Variants in TDRD12 observed in about 807,000 individuals in gnomAD.
The protein encoded by TDRD12 is tudor domain containing 12.
Under a neutral mutation model 133.5 loss-of-function variants are expected in TDRD12, and 158 were observed. The observed-to-expected ratio is 1.18, with a 90% CI of 1.04 to 1.35. The LOEUF is 1.35. Ranked by LOEUF, TDRD12 falls within the 40% of genes most tolerant of loss-of-function variation. TDRD12 has a pLI of 0.00. For synonymous variants in TDRD12, 460 were observed against 477.9 expected (o/e 0.96, Z 0.49); for missense variants, 1,443 against 1,321.3 (o/e 1.09, Z -1.43).
At chr19:32,778,587 C>T (rs1012427054) in intron 11 of TDRD12, among the ~76,000 whole-genome samples, 2 of 152,140 alleles carry the variant, frequency 1.3e-5, no homozygotes, top group African/African-American at 4.8e-5. Context: ...GCAACCTCCA[C>T]CTCCTGGGTT....
At chr19:32,797,808 T>C in exon 15 of TDRD12, 1 of 702,586 alleles carries the variant, frequency 1.4e-6, no homozygotes, top group Middle Eastern at 2.3e-4. Context: ...GAATATAGCA[T>C]GTCCTCCAGG....
exon 1 of TDRD12, chr19:32,719,927 T>C: frequency 9.7e-7 from 1 of 1,026,158 alleles, no homozygotes; most frequent in Non-Finnish European, 1.4e-6. Flanking sequence ...GTGGGGCACC[T>C]GCCGCGGGGG....
chr19:32,722,535 A>G (rs1193374202), intron 1 of TDRD12, among the ~76,000 whole-genome samples: 1 of 152,072 alleles, frequency 6.6e-6, no homozygotes, highest in African/African-American at 2.4e-5. Context: ...CCATGTATCC[A>G]TCAACAGATG....
At chr19:32,790,702 A>C (rs974883416) in intron 12 of TDRD12, 111 bp downstream of exon 12, 1 of 1,551,090 alleles carries the variant, frequency 6.4e-7, no homozygotes, top group Non-Finnish European at 8.7e-7. Context: ...AACTCCTTAG[A>C]TGGGGGACTT....
chr19:32,740,280 G>A (rs529283516), intron 3 of TDRD12, among the ~76,000 whole-genome samples: 8 of 70,778 alleles, frequency 1.1e-4, no homozygotes, highest in African/African-American at 2.2e-4. Flanking sequence ...TCTCCTGGGC[G>A]CTCTCTGCAT....
chr19:32,749,930 CAG>C (rs1969774612), intron 6 of TDRD12, 61 bp downstream of exon 6: 6 of 1,229,918 alleles, frequency 4.9e-6, no homozygotes, highest in Non-Finnish European at 6.8e-6. Context: ...TTTAATAAAA[CAG>C]AATAAATGCC....
At chr19:32,804,783 G>A (rs1209211110) in intron 21 of TDRD12, among the ~76,000 whole-genome samples, 3 of 151,944 alleles carry the variant, frequency 2.0e-5, no homozygotes, top group Non-Finnish European at 2.9e-5. Flanking sequence ...TTGAACCTGG[G>A]AAGCGGAGGT....
chr19:32,734,062 C>T (rs897886139), intron 2 of TDRD12, among the ~76,000 whole-genome samples: 4 of 151,442 alleles, frequency 2.6e-5, no homozygotes, highest in East Asian at 1.9e-4. Flanking sequence ...CGGCTAATTT[C>T]GTTTTTGTAT....
At chr19:32,815,456 T>C in exon 26 of TDRD12, 2 of 1,535,630 alleles carry the variant, frequency 1.3e-6, no homozygotes, top group East Asian at 4.9e-5. Context: ...AGGTGCACAT[T>C]ACAAACCTTT....
intron 11 of TDRD12, among the ~76,000 whole-genome samples, chr19:32,784,317 G>C (rs1032086450): frequency 6.6e-6 from 1 of 152,120 alleles, no homozygotes; most frequent in African/African-American, 2.4e-5. Context: ...TGTTGAACCA[G>C]CCTTTCATCC....
At chr19:32,811,415 C>A (rs191546978) in exon 24 of TDRD12, 1 of 1,535,962 alleles carries the variant, frequency 6.5e-7, no homozygotes, top group East Asian at 2.4e-5. Context: ...AGAATGGAAT[C>A]CGAAGGTGGG....
intron 11 of TDRD12, among the ~76,000 whole-genome samples, chr19:32,780,985 CA>C (rs1198170789): frequency 6.6e-6 from 1 of 150,376 alleles, no homozygotes; most frequent in Non-Finnish European, 1.5e-5. Context: ...CTCTGTTGCC[CA>C]GCCTGGAGTG....
At chr19:32,808,404 C>T (rs1966891353) in intron 22 of TDRD12, among the ~76,000 whole-genome samples, 1 of 152,222 alleles carries the variant, frequency 6.6e-6, no homozygotes, top group Non-Finnish European at 1.5e-5. Context: ...CCTCCACAGC[C>T]TCCAGAAGGT....
At chr19:32,761,854 T>C (rs986670854) in intron 8 of TDRD12, among the ~76,000 whole-genome samples, 1 of 151,758 alleles carries the variant, frequency 6.6e-6, no homozygotes, top group African/African-American at 2.4e-5. Flanking sequence ...CCTGGCTAAT[T>C]TTTGTATTTT....
At chr19:32,784,202 G>T (rs1212706794) in intron 11 of TDRD12, among the ~76,000 whole-genome samples, 1 of 152,140 alleles carries the variant, frequency 6.6e-6, no homozygotes, top group African/African-American at 2.4e-5. Flanking sequence ...AGCATGAAAG[G>T]CTGTTGAATT....
At chr19:32,777,161 G>C (rs1354559274) in exon 11 of TDRD12, 22 of 1,539,772 alleles carry the variant, frequency 1.4e-5, no homozygotes, top group Non-Finnish European at 1.7e-5. Context: ...CTTTAAGTCA[G>C]AAGTCAAATG....
At chr19:32,792,397 T>G (rs953457411) in intron 13 of TDRD12, among the ~76,000 whole-genome samples, 2 of 152,158 alleles carry the variant, frequency 1.3e-5, no homozygotes, top group African/African-American at 4.8e-5. Flanking sequence ...GGATGTAATG[T>G]TTTTTCTCTC....
chr19:32,796,079 G>T (rs1332704879), intron 14 of TDRD12: 1 of 827,894 alleles, frequency 1.2e-6, no homozygotes, highest in Non-Finnish European at 1.5e-6. Context: ...GCGGTGTGAA[G>T]GTAAATGATG....
At chr19:32,724,346 C>T (rs1424191732) in intron 1 of TDRD12, among the ~76,000 whole-genome samples, 1 of 152,100 alleles carries the variant, frequency 6.6e-6, no homozygotes, top group African/African-American at 2.4e-5. Context: ...TTAAGCCCCG[C>T]ATGTATTAGT....
Sources: gnomAD v4.1 joint callset for allele counts (sites outside exome capture counted in the v4.1 genomes callset) on GRCh38, gnomAD v4.1.1 for gene constraint, MANE v1.5 for transcripts, NCBI Gene and HGNC (gene_info 2026-07-23, HGNC 2026-07-21) for gene names.